The following SLC5A7 variants were observed in gnomAD, a reference collection of about 807,000 sequenced individuals.
SLC5A7 encodes high affinity choline transporter 1.
A neutral mutation model predicts 55.4 loss-of-function variants in SLC5A7; 19 were observed. The observed-to-expected ratio is 0.34, with a 90% CI of 0.24 to 0.50. The LOEUF is 0.50. Among genes scored for constraint, SLC5A7 ranks in the 20% least tolerant of loss-of-function variants. The pLI is 0.98. For missense variants in SLC5A7, 506 were observed against 705.3 expected, an observed-to-expected ratio of 0.72 and a Z score of 3.20; for synonymous variants, 265 against 263.7, an observed-to-expected ratio of 1.00 and a Z score of -0.05.
chr2:108,012,177 G>A lies in SLC5A7; in HGVS notation c.*1316G>A, dbSNP rs920973874. The A allele has an allele frequency of 9.9e-5, 15 of 152,240 alleles. No individual in the cohort carries two copies. The highest frequency in any genetic ancestry group is 2.1e-4 in the Non-Finnish European group (14 of 67,952). 9.4% of individuals were successfully genotyped at this position (152,240 alleles called of 1,614,324 possible). ...TACACACTCATACGTGTGTGTGTGT[G>A]TATGTGTGTGTGTGTATGTGTAATG... On this transcript the variant is annotated 3_prime_UTR_variant, in exon 9 of 9. Coordinates refer to ENST00000264047, the MANE Select transcript of SLC5A7 (RefSeq NM_021815.5).
chr2:107,989,565 G>T (rs549298516), intron 2 of SLC5A7, among the ~76,000 whole-genome samples: 3 of 152,246 alleles, frequency 2.0e-5, no homozygotes, highest in African/African-American at 7.2e-5. Context: ...GGAGATCCCG[G>T]GTTACAAGGT....
chr2:108,002,269 G>T (rs1422786170), intron 6 of SLC5A7, among the ~76,000 whole-genome samples: 1 of 152,058 alleles, frequency 6.6e-6, no homozygotes, highest in Non-Finnish European at 1.5e-5. Flanking sequence ...TGTTCTGGGT[G>T]GTGGGTCCTC....
chr2:108,007,575 G>T (rs1374002651), intron 7 of SLC5A7, among the ~76,000 whole-genome samples: 1 of 151,956 alleles, frequency 6.6e-6, no homozygotes, highest in Non-Finnish European at 1.5e-5. Context: ...TCTTGGATTA[G>T]ATACACATTC....
intron 6 of SLC5A7, 143 bp downstream of exon 6, chr2:108,002,183 G>A (rs1242307811): frequency 7.0e-6 from 7 of 996,332 alleles, no homozygotes; most frequent in Non-Finnish European, 1.0e-5. Context: ...TCGGGAGGGT[G>A]GAGCCAGGGC....
At chr2:108,009,773 T>C (rs114610741) in intron 8 of SLC5A7, among the ~76,000 whole-genome samples, 2,016 of 152,300 alleles carry the variant, frequency 0.013, 49 homozygotes, top group African/African-American at 0.045. Flanking sequence ...AATAAACGTA[T>C]GTGTGCATGT....
chr2:108,001,832 A>G, intron 5 of SLC5A7, 65 bp from the exon 6 acceptor site: 1 of 1,577,570 alleles, frequency 6.3e-7, no homozygotes, highest in Non-Finnish European at 8.7e-7. Flanking sequence ...GAGGTGTACA[A>G]ATCTTGCATA....
At chr2:108,006,692 T>C (rs561952416) in intron 7 of SLC5A7, among the ~76,000 whole-genome samples, 1 of 152,232 alleles carries the variant, frequency 6.6e-6, no homozygotes, top group Admixed American at 6.5e-5. Flanking sequence ...AAAATACGGA[T>C]ATGTGGCCTA....
intron 8 of SLC5A7, among the ~76,000 whole-genome samples, chr2:108,009,769 C>T (rs333225): frequency 0.29 from 43,883 of 151,998 alleles, 6,920 homozygotes; most frequent in African/African-American, 0.42. Flanking sequence ...CTGCAATAAA[C>T]GTATGTGTGC....
chr2:108,009,839 A>G (rs1317761233), intron 8 of SLC5A7, among the ~76,000 whole-genome samples: 1 of 152,204 alleles, frequency 6.6e-6, no homozygotes, highest in African/African-American at 2.4e-5. Context: ...ACTTCTACAA[A>G]GAGATAAACT....
intron 4 of SLC5A7, among the ~76,000 whole-genome samples, chr2:107,994,565 G>A (rs749519950): frequency 2.6e-5 from 4 of 151,988 alleles, no homozygotes; most frequent in East Asian, 1.9e-4. Context: ...CAGCCTGGGC[G>A]ACAGAGTGAG....
chr2:107,988,072 C>A, intron 1 of SLC5A7, 33 bp from the exon 2 acceptor site: 2 of 1,421,554 alleles, frequency 1.4e-6, no homozygotes, highest in Non-Finnish European at 1.9e-6. Flanking sequence ...TAGTGCTTGA[C>A]TGGTTTATAA....
intron 4 of SLC5A7, 82 bp from the exon 5 acceptor site, chr2:107,997,756 C>T (rs1244910164): frequency 3.8e-6 from 5 of 1,318,342 alleles, no homozygotes; most frequent in Non-Finnish European, 4.9e-6. Flanking sequence ...TGTTGTTTAT[C>T]ACTGAACTTT....
chr2:108,006,312 C>T (rs1172593878), intron 7 of SLC5A7, 110 bp downstream of exon 7: 2 of 1,205,116 alleles, frequency 1.7e-6, no homozygotes, highest in Admixed American at 3.9e-5. Flanking sequence ...TCTTTCTCAC[C>T]ACATTCATAT....
Position 107,988,204 on chromosome 2 carries a change from C to G in SLC5A7, c.49C>G (p.Leu17Val), listed in dbSNP as rs1407197229. Residue 17 changes from leucine (L) to valine (V), a missense_variant, in exon 2 of 9, where the codon CTA becomes GTA. Physicochemically the swap from Leu to Val is conservative, Grantham distance 32. This residue lies in a region of SLC5A7 where 56 missense variants were observed against 62.6 expected (regional missense o/e 0.89). Coordinates refer to ENST00000264047, the MANE Select transcript of SLC5A7 (RefSeq NM_021815.5). ...GLIAIIVFYL[L>V]ILLVGIWAAW... ...GATAGCTATCATCGTGTTCTACCTTCTAATTTTGCTGGTTGGAATATGGGC... is the reference window on the plus strand; with the variant it reads ...GATAGCTATCATCGTGTTCTACCTTGTAATTTTGCTGGTTGGAATATGGGC... 1 of 1,614,178 alleles carries G rather than the reference C, an allele frequency of 6.2e-7. No homozygotes were observed. Among genetic ancestry groups the G allele is most frequent in the Non-Finnish European group, 8.5e-7 (1 of 1,180,016 alleles).
intron 4 of SLC5A7, 59 bp from the exon 5 acceptor site, chr2:107,997,779 A>G: frequency 6.8e-7 from 1 of 1,464,596 alleles, no homozygotes; most frequent in Non-Finnish European, 9.1e-7. Flanking sequence ...TTATGTCCTT[A>G]TACAAAGAGC....
chr2:107,999,999 A>T (rs1369065398), intron 5 of SLC5A7, among the ~76,000 whole-genome samples: 1 of 152,208 alleles, frequency 6.6e-6, no homozygotes, highest in Admixed American at 6.5e-5. Context: ...TTAAGACTTA[A>T]AAGAATTTTT....
At chr2:108,007,747 A>T (rs1377210055) in intron 7 of SLC5A7, among the ~76,000 whole-genome samples, 2 of 152,198 alleles carry the variant, frequency 1.3e-5, no homozygotes, top group African/African-American at 4.8e-5. Flanking sequence ...GATATTAAAA[A>T]AGTTCAGCAA....
chr2:107,991,113 T>C (rs2104338481), intron 2 of SLC5A7, among the ~76,000 whole-genome samples: 1 of 152,292 alleles, frequency 6.6e-6, no homozygotes, highest in African/African-American at 2.4e-5. Context: ...TCAGAGAAAA[T>C]GGTGCTAGCA....
chr2:107,993,380 G>A (rs1042779691), intron 4 of SLC5A7, among the ~76,000 whole-genome samples: 2 of 152,128 alleles, frequency 1.3e-5, no homozygotes, highest in South Asian at 2.1e-4. Context: ...GAATTATAAT[G>A]ATCAATTTGC....
Sources: allele counts gnomAD v4.1 joint callset (sites outside exome capture counted in the v4.1 genomes callset), GRCh38; gene constraint gnomAD v4.1.1; regional missense constraint gnomAD v4.1.1; transcripts MANE v1.5; gene names NCBI Gene and HGNC (gene_info 2026-07-23, HGNC 2026-07-21).